The following GRID2 variants were observed in gnomAD, a reference collection of about 807,000 sequenced individuals.
The protein encoded by GRID2 is glutamate receptor ionotropic, delta-2.
Under a neutral mutation model 114.8 loss-of-function variants are expected in GRID2, and 33 were observed. The observed-to-expected ratio is 0.29, with a 90% CI of 0.22 to 0.38. GRID2 has a LOEUF of 0.38. Ranked by LOEUF, GRID2 falls within the 10% of genes least tolerant of loss-of-function variation. The probability of loss-of-function intolerance (pLI) is 1.00; values close to 1 mark genes in which losing one functional copy is unlikely to be tolerated. For synonymous variants in GRID2, 505 were observed against 449.9 expected (o/e 1.12, Z -1.55); for missense variants, 1,184 against 1,257.7 (o/e 0.94, Z 0.89).
intron 3 of GRID2, among the ~76,000 whole-genome samples, chr4:93,087,040 T>TTATTTATG (rs1730391042): frequency 6.6e-6 from 1 of 151,586 alleles, no homozygotes; most frequent in Non-Finnish European, 1.5e-5. Context: ...ATTTATTTAT[T>TTATTTATG]TATTTATTTT....
At chr4:93,732,250 C>A (rs1385309084) in intron 14 of GRID2, among the ~76,000 whole-genome samples, 3 of 152,094 alleles carry the variant, frequency 2.0e-5, no homozygotes, top group Non-Finnish European at 2.9e-5. Flanking sequence ...AATAATATTT[C>A]CAGGGCTTTC....
At chr4:93,098,639 T>A (rs919298109) in intron 3 of GRID2, among the ~76,000 whole-genome samples, 2 of 151,948 alleles carry the variant, frequency 1.3e-5, no homozygotes, top group Admixed American at 6.6e-5. Flanking sequence ...TTTACTAGAA[T>A]GAAGCAAACA....
At chr4:92,766,571 A>G (rs1406170886) in intron 2 of GRID2, among the ~76,000 whole-genome samples, 1 of 151,870 alleles carries the variant, frequency 6.6e-6, no homozygotes, top group African/African-American at 2.4e-5. Flanking sequence ...CACTTTCACT[A>G]AGGAATGGTA....
chr4:93,536,835 GT>G (rs1285880738), intron 13 of GRID2, among the ~76,000 whole-genome samples: 1 of 151,518 alleles, frequency 6.6e-6, no homozygotes, highest in Non-Finnish European at 1.5e-5. Context: ...ACATAATTCA[GT>G]CATGCAAAGT....
intron 2 of GRID2, among the ~76,000 whole-genome samples, chr4:92,933,018 T>C (rs1439103322): frequency 6.6e-6 from 1 of 150,992 alleles, no homozygotes; most frequent in Admixed American, 6.7e-5. Flanking sequence ...TACATAGGCT[T>C]ATAATACAAT....
intron 10 of GRID2, among the ~76,000 whole-genome samples, chr4:93,430,283 C>T (rs545462217): frequency 2.6e-5 from 4 of 152,208 alleles, no homozygotes; most frequent in Admixed American, 6.5e-5. Context: ...TGGGTTCAAG[C>T]GACTCTCCTG....
intron 2 of GRID2, among the ~76,000 whole-genome samples, chr4:92,990,287 G>GTATATA (rs33925215): frequency 1.5e-3 from 192 of 127,060 alleles, no homozygotes; most frequent in East Asian, 9.6e-3. Context: ...ATATGTGTGT[G>GTATATA]TATATATATA....
chr4:93,095,638 A>G (rs1281448095), intron 3 of GRID2, among the ~76,000 whole-genome samples: 1 of 152,030 alleles, frequency 6.6e-6, no homozygotes, highest in African/African-American at 2.4e-5. Flanking sequence ...TCTAATAGCA[A>G]TAAAAAATTA....
At chr4:93,110,657 C>A in intron 3 of GRID2, 91 bp from the exon 4 acceptor site, 3 of 852,044 alleles carry the variant, frequency 3.5e-6, no homozygotes, top group Non-Finnish European at 6.0e-6. Context: ...CAGTGTGGAA[C>A]AATAATCTAT....
intron 2 of GRID2, among the ~76,000 whole-genome samples, chr4:92,931,179 AT>A (rs1172971379): frequency 1.3e-5 from 2 of 151,046 alleles, no homozygotes; most frequent in Non-Finnish European, 3.0e-5. Context: ...TTGCTATAGG[AT>A]TGAAAAGTTG....
chr4:92,495,456 G>A (rs1379498200), intron 1 of GRID2, among the ~76,000 whole-genome samples: 3 of 151,948 alleles, frequency 2.0e-5, no homozygotes, highest in Non-Finnish European at 4.4e-5. Context: ...AGGATCACAG[G>A]CAGAGATGCT....
chr4:93,142,719 G>A (rs1049905349), intron 4 of GRID2, among the ~76,000 whole-genome samples: 2 of 152,048 alleles, frequency 1.3e-5, no homozygotes, highest in Non-Finnish European at 1.5e-5. Context: ...ATTCAACCAC[G>A]TCAGAATAAA....
intron 1 of GRID2, among the ~76,000 whole-genome samples, chr4:92,359,104 C>T (rs187704355): frequency 6.6e-6 from 1 of 151,854 alleles, no homozygotes; most frequent in Non-Finnish European, 1.5e-5. Flanking sequence ...TTTGGTTGGC[C>T]TTAACTAACT....
chr4:92,926,307 A>G (rs1749805436), intron 2 of GRID2, among the ~76,000 whole-genome samples: 1 of 152,108 alleles, frequency 6.6e-6, no homozygotes, highest in South Asian at 2.1e-4. Context: ...TTCTGCAATC[A>G]GCTAAGATGT....
intron 8 of GRID2, among the ~76,000 whole-genome samples, chr4:93,308,095 CA>C (rs1272392227): frequency 6.6e-6 from 1 of 152,122 alleles, no homozygotes; most frequent in Admixed American, 6.6e-5. Context: ...AGCTTACTAT[CA>C]GAGAAAATAA....
chr4:93,377,408 T>C (rs1405160903), intron 8 of GRID2, among the ~76,000 whole-genome samples: 1 of 152,126 alleles, frequency 6.6e-6, no homozygotes, highest in African/African-American at 2.4e-5. Context: ...GTAAGGTTAA[T>C]TGGGTGCACT....
chr4:93,598,093 C>A (rs185100021), intron 13 of GRID2, among the ~76,000 whole-genome samples: 1 of 152,266 alleles, frequency 6.6e-6, no homozygotes, highest in East Asian at 1.9e-4. Flanking sequence ...GTACAACATA[C>A]ATGACAACTA....
chr4:92,574,787 T>A (rs576000365), intron 1 of GRID2, among the ~76,000 whole-genome samples: 1 of 152,132 alleles, frequency 6.6e-6, no homozygotes, highest in African/African-American at 2.4e-5. Context: ...GAGAATCTGA[T>A]GATTATGTGT....
intron 1 of GRID2, among the ~76,000 whole-genome samples, chr4:92,573,148 T>C (rs1473944475): frequency 2.0e-5 from 3 of 152,164 alleles, no homozygotes; most frequent in Non-Finnish European, 4.4e-5. Context: ...TGTCTGTATT[T>C]CTTTGGGGTC....
Sources: allele counts gnomAD v4.1 joint callset (sites outside exome capture counted in the v4.1 genomes callset), GRCh38; gene constraint gnomAD v4.1.1; transcripts MANE v1.5; gene names NCBI Gene and HGNC (gene_info 2026-07-23, HGNC 2026-07-21).